Variants in SYNRG observed in about 807,000 individuals in gnomAD.
The protein encoded by SYNRG is synergin gamma.
Under a neutral mutation model 130.9 loss-of-function variants are expected in SYNRG, and 37 were observed. The observed-to-expected ratio is 0.28, with a 90% confidence interval of 0.22 to 0.37. The LOEUF is 0.37. Among genes scored for constraint, SYNRG ranks in the 10% least tolerant of loss-of-function variants. SYNRG has a pLI of 1.00. For missense variants in SYNRG, 1,338 were observed against 1,588.9 expected, an observed-to-expected ratio of 0.84 and a Z score of 2.68; for synonymous variants, 539 against 568.1, an observed-to-expected ratio of 0.95 and a Z score of 0.73.
chr17:37,584,963 A>C (rs1161462543), intron 5 of SYNRG, among the ~76,000 whole-genome samples: 1 of 152,248 alleles, frequency 6.6e-6, no homozygotes, highest in African/African-American at 2.4e-5. Context: ...TACAAGGCCA[A>C]TGTATAAATA....
chr17:37,529,586 G>A (rs973206896), intron 19 of SYNRG, among the ~76,000 whole-genome samples: 4 of 151,036 alleles, frequency 2.6e-5, no homozygotes, highest in Non-Finnish European at 5.9e-5. Flanking sequence ...GGTGTTCAGA[G>A]TCTAGAAGGT....
intron 3 of SYNRG, among the ~76,000 whole-genome samples, chr17:37,590,032 A>G (rs2146635193): frequency 1.3e-5 from 2 of 151,928 alleles, no homozygotes; most frequent in Middle Eastern, 3.4e-3. Context: ...TTAGCCAGGC[A>G]TGATGGGGCA....
At chr17:37,541,284 A>G (rs1388275523) in intron 15 of SYNRG, 2 of 984,508 alleles carry the variant, frequency 2.0e-6, no homozygotes, top group Admixed American at 6.1e-5. Flanking sequence ...AAAGCAGAAG[A>G]GGCAAACTCA....
At chr17:37,536,352 C>A (rs2057193718) in intron 18 of SYNRG, 5 of 545,902 alleles carry the variant, frequency 9.2e-6, no homozygotes, top group East Asian at 6.2e-5. Flanking sequence ...AGCTATGCCT[C>A]TTACTGGCTA....
chr17:37,604,811 TA>T (rs1317080186), intron 1 of SYNRG, among the ~76,000 whole-genome samples: 3 of 152,184 alleles, frequency 2.0e-5, no homozygotes, highest in African/African-American at 7.2e-5. Flanking sequence ...ACTGTAGGGT[TA>T]ATCAGCCTAA....
At chr17:37,586,319 A>G in intron 4 of SYNRG, 100 bp downstream of exon 4, 2 of 1,504,300 alleles carry the variant, frequency 1.3e-6, no homozygotes, top group Non-Finnish European at 1.8e-6. Context: ...ACAACTTTTG[A>G]CTGTTTTAGT....
intron 11 of SYNRG, among the ~76,000 whole-genome samples, chr17:37,564,767 T>C (rs904921696): frequency 1.3e-5 from 2 of 152,244 alleles, no homozygotes; most frequent in Admixed American, 6.5e-5. Flanking sequence ...ACATTTTATA[T>C]GTACATTTAA....
chr17:37,534,950 T>G (rs1392574581), intron 19 of SYNRG, among the ~76,000 whole-genome samples: 4 of 152,046 alleles, frequency 2.6e-5, no homozygotes, highest in African/African-American at 2.4e-5. Flanking sequence ...GGAAGGAAGA[T>G]AAACTTCTGA....
chr17:37,606,035 A>G, intron 1 of SYNRG: 1 of 981,460 alleles, frequency 1.0e-6, no homozygotes, highest in South Asian at 4.7e-5. Context: ...TCCTTTAGCA[A>G]GACGCACCCC....
chr17:37,573,847 C>A (rs2060618521), intron 8 of SYNRG, among the ~76,000 whole-genome samples: 2 of 152,152 alleles, frequency 1.3e-5, no homozygotes, highest in Admixed American at 6.5e-5. Context: ...AGATTCAATG[C>A]AATCCCTATC....
chr17:37,561,326 CAGATTG>C, intron 12 of SYNRG, 69 bp from the exon 13 acceptor site: 1 of 1,553,154 alleles, frequency 6.4e-7, no homozygotes, highest in Non-Finnish European at 8.9e-7. Context: ...GGAAGTGAGG[CAGATTG>C]GTTTAACCAA....
chr17:37,604,834 TTA>T (rs1351683389), intron 1 of SYNRG, among the ~76,000 whole-genome samples: 14 of 152,194 alleles, frequency 9.2e-5, no homozygotes, highest in Admixed American at 8.5e-4. Context: ...TTCAATACTG[TTA>T]TGTCTCAGGG....
At chr17:37,546,995 T>C (rs1273443903) in intron 14 of SYNRG, among the ~76,000 whole-genome samples, 1 of 152,192 alleles carries the variant, frequency 6.6e-6, no homozygotes, top group Non-Finnish European at 1.5e-5. Flanking sequence ...CTAAAAAACC[T>C]GGTCTGTGTC....
chr17:37,584,877 C>CATTATCAGAAGTATG, intron 5 of SYNRG, 118 bp from the exon 6 acceptor site: 2 of 720,224 alleles, frequency 2.8e-6, no homozygotes, highest in Non-Finnish European at 4.5e-6. Flanking sequence ...CCACATACTT[C>CATTATCAGAAGTATG]TGATAATGAA....
chr17:37,598,395 G>A (rs569698967), intron 2 of SYNRG, among the ~76,000 whole-genome samples: 2 of 152,356 alleles, frequency 1.3e-5, no homozygotes, highest in East Asian at 3.9e-4. Context: ...AGGTGTCAGG[G>A]AGAATTAGAA....
At chr17:37,585,223 C>T in intron 5 of SYNRG, 102 bp downstream of exon 5, 1 of 878,762 alleles carries the variant, frequency 1.1e-6, no homozygotes. Flanking sequence ...ATCACAGCCT[C>T]AGCTTGGGCT....
chr17:37,521,152 C>G (rs1568241538), intron 19 of SYNRG, among the ~76,000 whole-genome samples: 1 of 151,718 alleles, frequency 6.6e-6, no homozygotes. Flanking sequence ...CCTGCCTCAG[C>G]CTTCTGAGTA....
chr17:37,533,827 T>TC (rs2056900234), intron 19 of SYNRG, among the ~76,000 whole-genome samples: 1 of 150,608 alleles, frequency 6.6e-6, no homozygotes, highest in African/African-American at 2.4e-5. Context: ...TCCACCCACC[T>TC]CGGCCTCCCA....
At chr17:37,572,244 T>C (rs926399738) in intron 8 of SYNRG, among the ~76,000 whole-genome samples, 1 of 151,978 alleles carries the variant, frequency 6.6e-6, no homozygotes, top group Non-Finnish European at 1.5e-5. Context: ...CTGGCCAACA[T>C]AGTGAAACCC....
Sources: allele counts gnomAD v4.1 joint callset (sites outside exome capture counted in the v4.1 genomes callset), GRCh38; gene constraint gnomAD v4.1.1; transcripts MANE v1.5; gene names NCBI Gene and HGNC (gene_info 2026-07-23, HGNC 2026-07-21).